Variants in CD5L observed in about 807,000 individuals in gnomAD.
CD5L encodes CD5 antigen-like.
A neutral mutation model predicts 40.8 loss-of-function variants in CD5L; 39 were observed. That is an observed-to-expected ratio of 0.96 (90% CI 0.74 to 1.25). The LOEUF (loss-of-function observed/expected upper bound fraction) is 1.25. Ranked by LOEUF, CD5L falls within the 50% of genes most tolerant of loss-of-function variation. CD5L has a pLI of 0.00. For synonymous variants in CD5L, 192 were observed against 169.6 expected (o/e 1.13, Z -1.03); for missense variants, 433 against 435.9 (o/e 0.99, Z 0.06).
chr1:157,828,604 C>T (rs1162805219), downstream of CD5L, among the ~76,000 whole-genome samples: 1 of 152,108 alleles, frequency 6.6e-6, no homozygotes, highest in Non-Finnish European at 1.5e-5. Context: ...TTACACAGTG[C>T]CTCAGAAGAC....
intron 3 of CD5L, 32 bp from the exon 4 acceptor site, chr1:157,834,780 T>C (rs2101937813): frequency 6.4e-7 from 1 of 1,566,344 alleles, no homozygotes; most frequent in East Asian, 2.2e-5. Flanking sequence ...GTGTCTGTTC[T>C]CTGCCAGAAC....
At chr1:157,830,684 A>T (rs1402246168), downstream of CD5L, among the ~76,000 whole-genome samples, 5 of 152,242 alleles carry the variant, frequency 3.3e-5, no homozygotes, top group African/African-American at 1.2e-4. Context: ...TTGGCCTATC[A>T]GAAGTGTGTT....
intron 5 of CD5L, 60 bp from the exon 6 acceptor site, chr1:157,832,028 G>A (rs949608064): frequency 3.8e-6 from 5 of 1,318,774 alleles, no homozygotes; most frequent in South Asian, 2.9e-5. Flanking sequence ...GAATTATTCA[G>A]TTGAAACTCA....
chr1:157,831,060 A>G lies in CD5L; in HGVS notation c.*904T>C, dbSNP rs1424781393. 7.1e-6 allele frequency: 7 copies of G among 985,302 alleles called. No individual in the cohort carries two copies. 61.0% of individuals were successfully genotyped at this position (985,302 alleles called of 1,614,324 possible). A position where few individuals can be genotyped will look rare whatever the true frequency, so the allele number is the denominator to read the frequency against. On this transcript the variant is annotated 3_prime_UTR_variant, in exon 6 of 6. Transcript: ENST00000368174. ...CTTATTTCTGTCTTGCCTCAAGCTTACAGGCCCCAAAGTCTCAGTTGATAA... is the reference window on the plus strand; with the variant it reads ...CTTATTTCTGTCTTGCCTCAAGCTTGCAGGCCCCAAAGTCTCAGTTGATAA...
chr1:157,833,522 G>C lies in CD5L; in HGVS notation c.719-10C>G, dbSNP rs202210581. On this transcript the variant is annotated splice_polypyrimidine_tract_variant and intron_variant, in intron 4 of 5. Coordinates refer to ENST00000368174, the MANE Select transcript of CD5L (RefSeq NM_005894.3). ...CTCAAGTCAAAGGGATCTGCAGGAT[G>C]GGGGAGGAAGTCAGGGGTTGGAGAC... 3 of 1,591,376 alleles carry C rather than the reference G, an allele frequency of 1.9e-6. No homozygotes were observed. The highest frequency in any genetic ancestry group is 2.7e-5 in the African/African-American group (2 of 74,476).
chr1:157,829,476 C>T (rs187971461), downstream of CD5L, among the ~76,000 whole-genome samples: 94 of 152,292 alleles, frequency 6.2e-4, no homozygotes, highest in Non-Finnish European at 1.0e-3. Flanking sequence ...AGGCCATGAG[C>T]TTTAAATGTC....
At chr1:157,834,778 T>C (rs1432712775) in intron 3 of CD5L, 30 bp from the exon 4 acceptor site, 2 of 1,568,954 alleles carry the variant, frequency 1.3e-6, no homozygotes, top group Non-Finnish European at 1.7e-6. Flanking sequence ...GCGTGTCTGT[T>C]CTCTGCCAGA....
chr1:157,838,336 G>A (rs575654958), intron 2 of CD5L, among the ~76,000 whole-genome samples: 20 of 152,190 alleles, frequency 1.3e-4, no homozygotes, highest in African/African-American at 3.1e-4. Context: ...ATCCAGAAAC[G>A]TTTTTATCTT....
intron 2 of CD5L, among the ~76,000 whole-genome samples, chr1:157,837,280 A>C (rs913503614): frequency 2.6e-5 from 4 of 152,062 alleles, no homozygotes; most frequent in African/African-American, 4.8e-5. Flanking sequence ...CAAGACATGC[A>C]AGGAGAGTGG....
At chr1:157,837,839 G>A (rs1019933322) in intron 2 of CD5L, among the ~76,000 whole-genome samples, 5 of 144,606 alleles carry the variant, frequency 3.5e-5, no homozygotes, top group African/African-American at 5.2e-5. Flanking sequence ...GCAGTGGCAC[G>A]ATTTCGGCTC....
At chr1:157,838,175 AT>A (rs1178787149) in intron 2 of CD5L, among the ~76,000 whole-genome samples, 2 of 152,306 alleles carry the variant, frequency 1.3e-5, no homozygotes, top group Admixed American at 1.3e-4. Flanking sequence ...GGGAAAAAAT[AT>A]AAAAATGGAG....
intron 4 of CD5L, 59 bp downstream of exon 4, chr1:157,834,348 T>C: frequency 7.2e-7 from 1 of 1,381,010 alleles, no homozygotes; most frequent in East Asian, 2.4e-5. Flanking sequence ...ACTGTTTGAA[T>C]GAGATTCCAC....
intron 2 of CD5L, 24 bp downstream of exon 2, chr1:157,839,360 C>G (rs773888438): frequency 6.2e-7 from 1 of 1,613,514 alleles, no homozygotes; most frequent in South Asian, 1.1e-5. Flanking sequence ...AGGCCTCCCT[C>G]TCAGAAACCC....
At chr1:157,839,311 G>T in intron 2 of CD5L, 73 bp downstream of exon 2, 2 of 1,413,136 alleles carry the variant, frequency 1.4e-6, no homozygotes, top group Non-Finnish European at 2.0e-6. Context: ...CTTTCTCTGT[G>T]GCTCAAGAAG....
intron 1 of CD5L, among the ~76,000 whole-genome samples, chr1:157,841,310 G>T (rs1373346450): frequency 6.6e-6 from 1 of 152,140 alleles, no homozygotes; most frequent in Non-Finnish European, 1.5e-5. Flanking sequence ...TCAATGAAAG[G>T]TGATTGTCTT....
chr1:157,833,546 A>G (rs755812092), intron 4 of CD5L, 34 bp from the exon 5 acceptor site: 3 of 1,499,640 alleles, frequency 2.0e-6, no homozygotes, highest in African/African-American at 1.4e-5. Context: ...GGGGTTGGAG[A>G]CAGGAAGGGA....
downstream of CD5L, among the ~76,000 whole-genome samples, chr1:157,830,271 G>A (rs16839244): frequency 0.02 from 3,119 of 152,308 alleles, 96 homozygotes; most frequent in African/African-American, 0.071. Flanking sequence ...TCAGCAAATA[G>A]TATCAGTTCC....
intron 1 of CD5L, 34 bp downstream of exon 1, chr1:157,841,640 T>C (rs1356699988): frequency 6.2e-7 from 1 of 1,605,360 alleles, no homozygotes; most frequent in Non-Finnish European, 8.5e-7. Flanking sequence ...CAGAAAACTC[T>C]GAAGCCTAAA....
At chr1:157,832,003 G>T (rs1656064647) in intron 5 of CD5L, 35 bp from the exon 6 acceptor site, 2 of 1,476,282 alleles carry the variant, frequency 1.4e-6, no homozygotes, top group Non-Finnish European at 1.9e-6. Flanking sequence ...GTAAGGATGG[G>T]TATAGTCCAG....
Sources: allele counts gnomAD v4.1 joint callset (sites outside exome capture counted in the v4.1 genomes callset), GRCh38; gene constraint gnomAD v4.1.1; transcripts MANE v1.5; gene names NCBI Gene and HGNC (gene_info 2026-07-23, HGNC 2026-07-21).